Variants in SYNE1 observed in about 807,000 individuals in gnomAD.
SYNE1 encodes spectrin repeat containing nuclear envelope protein 1, also known as nesprin-1.
Under a neutral mutation model 1,111.0 loss-of-function variants are expected in SYNE1, and 616 were observed. The ratio of observed to expected loss-of-function variants is 0.55; its 90% confidence interval spans 0.52 to 0.59. The LOEUF (loss-of-function observed/expected upper bound fraction) is 0.59. SYNE1 is among the 20% of genes least tolerant of loss of function. The pLI is 0.00. For synonymous variants in SYNE1, 3,855 were observed against 3,825.8 expected, an observed-to-expected ratio of 1.01 and a Z score of -0.28; for missense variants, 10,006 against 10,417.0, an observed-to-expected ratio of 0.96 and a Z score of 1.72.
chr6:152,276,004 A>G (rs2093597708), intron 98 of SYNE1, among the ~76,000 whole-genome samples: 1 of 146,348 alleles, frequency 6.8e-6, no homozygotes, highest in Non-Finnish European at 1.5e-5. Context: ...TTTTTTGTCT[A>G]TGTAAAAACT....
At chr6:152,559,644 G>A (rs373100382) in intron 3 of SYNE1, among the ~76,000 whole-genome samples, 1 of 152,036 alleles carries the variant, frequency 6.6e-6, no homozygotes, top group East Asian at 1.9e-4. Flanking sequence ...AGTTCTAAGA[G>A]GATGGTTTAT....
At chr6:152,466,205 CAT>C in intron 16 of SYNE1, 127 bp from the exon 17 acceptor site, 1 of 651,116 alleles carries the variant, frequency 1.5e-6, no homozygotes, top group Non-Finnish European at 2.8e-6. Context: ...TTCTTGAAAA[CAT>C]AAAATTAATT....
At chr6:152,561,397 A>G (rs1178202582) in intron 3 of SYNE1, among the ~76,000 whole-genome samples, 1 of 152,178 alleles carries the variant, frequency 6.6e-6, no homozygotes, top group African/African-American at 2.4e-5. Context: ...CTGTATAATG[A>G]AACAATAAAG....
chr6:152,348,757 TTC>T (rs201846047), intron 72 of SYNE1, among the ~76,000 whole-genome samples: 33 of 102,228 alleles, frequency 3.2e-4, no homozygotes, highest in Middle Eastern at 4.5e-3. Flanking sequence ...TTTTTTTTTT[TTC>T]CTGTTATATG....
At chr6:152,237,008 C>A (rs1297577914) in intron 108 of SYNE1, 60 bp from the exon 109 acceptor site, 36 of 1,597,650 alleles carry the variant, frequency 2.3e-5, no homozygotes, top group Admixed American at 1.7e-5. Context: ...AGACATTCTT[C>A]CTTGGGTGCA....
intron 21 of SYNE1, among the ~76,000 whole-genome samples, chr6:152,459,243 C>T (rs1429948410): frequency 6.6e-6 from 1 of 152,104 alleles, no homozygotes; most frequent in Non-Finnish European, 1.5e-5. Context: ...TCAAATTATA[C>T]TTCATAAACC....
intron 3 of SYNE1, among the ~76,000 whole-genome samples, chr6:152,621,449 C>T (rs1261017798): frequency 6.6e-6 from 1 of 152,068 alleles, no homozygotes; most frequent in Non-Finnish European, 1.5e-5. Flanking sequence ...AGGCCTGCCA[C>T]ACACTATATC....
chr6:152,146,024 C>CCAA (rs776144863), intron 137 of SYNE1: 1 of 49,668 alleles, frequency 2.0e-5, no homozygotes, highest in African/African-American at 8.2e-5. Context: ...GACTTCGTCT[C>CCAA]AAAAAAAAAA....
At chr6:152,557,959 A>T (rs182563007) in intron 3 of SYNE1, among the ~76,000 whole-genome samples, 94 of 152,324 alleles carry the variant, frequency 6.2e-4, no homozygotes, top group African/African-American at 2.1e-3. Flanking sequence ...ACTTTGATAT[A>T]AAAGTTAAAA....
At chr6:152,131,372 G>A (rs1286463363) in intron 144 of SYNE1, among the ~76,000 whole-genome samples, 1 of 148,950 alleles carries the variant, frequency 6.7e-6, no homozygotes, top group East Asian at 1.9e-4. Flanking sequence ...ACATTTATCA[G>A]CATAGAACAT....
intron 3 of SYNE1, among the ~76,000 whole-genome samples, chr6:152,562,799 A>G (rs1187796569): frequency 2.0e-5 from 3 of 152,204 alleles, no homozygotes; most frequent in African/African-American, 7.2e-5. Context: ...CTTAAAGTAT[A>G]TATTTTTTTA....
intron 101 of SYNE1, among the ~76,000 whole-genome samples, chr6:152,258,655 T>C (rs971730868): frequency 1.3e-5 from 2 of 152,152 alleles, no homozygotes; most frequent in Non-Finnish European, 1.5e-5. Context: ...GGTATACATA[T>C]GGCTCCCCAA....
At chr6:152,393,704 A>C (rs769322425) in intron 51 of SYNE1, among the ~76,000 whole-genome samples, 1 of 152,112 alleles carries the variant, frequency 6.6e-6, no homozygotes, top group Non-Finnish European at 1.5e-5. Context: ...AGTTATCAGC[A>C]TGGGTTCTTT....
At position 152,430,251 on chromosome 6, in the gene SYNE1, T is replaced by C. The variant is rs113119194; in HGVS notation, c.4690-41A>G. 413 of 1,506,768 alleles carry C rather than the reference T, an allele frequency of 2.7e-4. 2 individuals are homozygous for C. The African/African-American group carries it at 4.4e-3, about 16-fold the overall frequency. The allele number at this position is 1,506,768 out of a possible 1,614,324, so 93.3% of individuals were successfully genotyped here. A position where few individuals can be genotyped will look rare whatever the true frequency, so the allele number is the denominator to read the frequency against. On this transcript the variant is annotated intron_variant, in intron 35 of 145. Transcript: ENST00000367255. ...AATATAAAAATAACAGTGGGAAAGATACATAGCAAGACAAAAAAAAAAGTT... is the reference window on the plus strand; with the variant it reads ...AATATAAAAATAACAGTGGGAAAGACACATAGCAAGACAAAAAAAAAAGTT...
At chr6:152,515,221 CAA>C (rs543960619) in intron 6 of SYNE1, among the ~76,000 whole-genome samples, 4 of 100,814 alleles carry the variant, frequency 4.0e-5, no homozygotes, top group East Asian at 2.7e-4. Context: ...GAGTCTGTCT[CAA>C]AAAAAAAAAA....
At chr6:152,234,029 C>T (rs1341037197) in intron 111 of SYNE1, 66 bp from the exon 112 acceptor site, 2 of 1,519,318 alleles carry the variant, frequency 1.3e-6, no homozygotes, top group Admixed American at 3.5e-5. Context: ...AGGAAAGCGA[C>T]CAATTTAGTG....
intron 44 of SYNE1, among the ~76,000 whole-genome samples, 195 bp downstream of exon 44, chr6:152,408,873 G>A (rs1404069841): frequency 6.6e-6 from 1 of 151,704 alleles, no homozygotes; most frequent in Non-Finnish European, 1.5e-5. Context: ...AGAATCGCTT[G>A]AAGCCAGAAG....
At chr6:152,585,944 T>A (rs1008342262) in intron 3 of SYNE1, among the ~76,000 whole-genome samples, 1 of 152,142 alleles carries the variant, frequency 6.6e-6, no homozygotes, top group Non-Finnish European at 1.5e-5. Context: ...TGTCTGTGTG[T>A]GCTGTGTGAA....
At chr6:152,507,312 C>T (rs2099063011) in intron 8 of SYNE1, among the ~76,000 whole-genome samples, 1 of 151,998 alleles carries the variant, frequency 6.6e-6, no homozygotes, top group Non-Finnish European at 1.5e-5. Flanking sequence ...ATGTAATTAG[C>T]TATTTCTAAT....
Sources: gnomAD v4.1 joint callset for allele counts (sites outside exome capture counted in the v4.1 genomes callset) on GRCh38, gnomAD v4.1.1 for gene constraint, MANE v1.5 for transcripts, NCBI Gene and HGNC (gene_info 2026-07-23, HGNC 2026-07-21) for gene names.